RFC4: variants seen among roughly 807,000 people sequenced by gnomAD.
The protein encoded by RFC4 is replication factor C subunit 4, also known as A1 37 kDa subunit.
Under a neutral mutation model 47.6 loss-of-function variants are expected in RFC4, and 38 were observed. The ratio of observed to expected loss-of-function variants is 0.80; its 90% CI spans 0.62 to 1.05. The LOEUF (loss-of-function observed/expected upper bound fraction) is 1.05, where lower values mean the gene tolerates loss of function less well. Among genes scored for constraint, RFC4 ranks in the 50% least tolerant of loss-of-function variants. The pLI is 0.00. For missense variants in RFC4, 489 were observed against 434.0 expected, an observed-to-expected ratio of 1.13 and a Z score of -1.13; for synonymous variants, 164 against 150.0, an observed-to-expected ratio of 1.09 and a Z score of -0.68.
intron 6 of RFC4, 50 bp downstream of exon 6, chr3:186,792,754 G>A (rs970746063): frequency 1.9e-6 from 3 of 1,568,032 alleles, no homozygotes; most frequent in Non-Finnish European, 2.6e-6. Context: ...CCCTAATTGG[G>A]TTATGAAAAT....
chr3:186,791,123 A>G (rs1722118790), intron 8 of RFC4, among the ~76,000 whole-genome samples: 1 of 152,244 alleles, frequency 6.6e-6, no homozygotes, highest in South Asian at 2.1e-4. Flanking sequence ...AACTGGCAAA[A>G]TAGTTTTCAT....
chr3:186,802,564 A>G (rs1722380778), intron 2 of RFC4, among the ~76,000 whole-genome samples: 1 of 152,188 alleles, frequency 6.6e-6, no homozygotes, highest in African/African-American at 2.4e-5. Context: ...CTGAACCAAT[A>G]TGAAGTATCA....
rs1281251678 is a variant in RFC4 at position 186,792,811 on chromosome 3, C to T, written c.547G>A (p.Val183Ile). The change falls in exon 6 of 11, where the codon GTC becomes ATC. Residue 183 changes from valine (V) to isoleucine (I), a missense_variant. By Grantham distance (29) the Val-to-Ile change is conservative (BLOSUM62 3). This residue lies in a region of RFC4 where 206 missense variants were observed against 257.8 expected (regional missense o/e 0.80). Transcript: ENST00000296273. ...TTRFCLICNYVSRIIEPLTSR... is the reference protein window; with the variant it reads ...TTRFCLICNYISRIIEPLTSR... ...TCAGGGCAATATACATACCGACTGA[C>T]ATAGTTACAGATAAGACAGAATCGG... is the stretch of plus-strand genomic sequence containing the variant. 6.2e-7 allele frequency: 1 copy of T among 1,612,654 alleles called. No individual in the cohort carries two copies. Among genetic ancestry groups the T allele is most frequent in the Non-Finnish European group, 8.5e-7 (1 of 1,179,560 alleles).
At chr3:186,792,444 A>T (rs1380545189) in intron 7 of RFC4, 46 bp downstream of exon 7, 2 of 1,556,234 alleles carry the variant, frequency 1.3e-6, no homozygotes, top group Non-Finnish European at 1.8e-6. Context: ...ATATGCATTC[A>T]TCAAAGGAAT....
intron 7 of RFC4, 112 bp downstream of exon 7, chr3:186,792,376 CTG>C: frequency 1.2e-6 from 1 of 846,698 alleles, no homozygotes; most frequent in Non-Finnish European, 1.8e-6. Context: ...TTAAGTTTGT[CTG>C]AAGAACTGGC....
rs1207725938 is a variant in RFC4 at position 186,790,065 on chromosome 3, C to G, written c.997-1G>C. ...CATCTGCTAGGCATTTGTCAACTTCCTACGAGAAAAATTTAAGAAATTAGC... is the reference window on the plus strand; with the variant it reads ...CATCTGCTAGGCATTTGTCAACTTCGTACGAGAAAAATTTAAGAAATTAGC... On this transcript the variant is annotated splice_acceptor_variant, in intron 10 of 10. Coordinates refer to ENST00000296273, the MANE Select transcript of RFC4 (RefSeq NM_002916.5). LOFTEE classifies it high-confidence loss of function. 2 of 1,612,966 alleles carry G rather than the reference C, an allele frequency of 1.2e-6. No homozygotes were observed. The highest frequency in any genetic ancestry group is 1.7e-6 in the Non-Finnish European group (2 of 1,179,212).
chr3:186,798,926 C>T (rs1722297597), intron 3 of RFC4, among the ~76,000 whole-genome samples: 1 of 152,182 alleles, frequency 6.6e-6, no homozygotes, highest in Non-Finnish European at 1.5e-5. Context: ...CTACAGTAGT[C>T]AATGTTGGCC....
intron 8 of RFC4, 127 bp downstream of exon 8, chr3:186,791,595 GGTT>G (rs1722138435): frequency 1.2e-6 from 1 of 822,334 alleles, no homozygotes; most frequent in African/African-American, 1.7e-5. Context: ...GATACTCCCA[GGTT>G]ATTCCCTTAT....
chr3:186,791,670 TAAAAGCCACAA>T lies in RFC4; in HGVS notation c.801+44_801+54del, dbSNP rs766544109. 5.8e-6 allele frequency: 9 copies of T among 1,562,624 alleles called. No homozygotes were observed. In the East Asian group the frequency reaches 1.1e-4, roughly 19 times the overall value. On this transcript the variant is annotated intron_variant, in intron 8 of 10. Transcript: ENST00000296273. ...CAGTATTTGTTGGATGAAAATTTCC[TAAAAGCCACAA>T]AAAAGCCAACTAAAAAGAAATTCAG... is the stretch of plus-strand genomic sequence containing the variant.
rs1722393584 is a variant in RFC4 at position 186,803,043 on chromosome 3, C to T, written c.131+1540G>A. Among the ~76,000 whole-genome samples the T allele has an allele frequency of 2.0e-5, 3 of 152,056 alleles. No individual in the cohort carries two copies. The South Asian group carries it at 6.2e-4, about 32-fold the overall frequency. On this transcript the variant is annotated intron_variant, in intron 2 of 10. Transcript: ENST00000296273. ...AGATTTTCATGAGGTTTATTGGTGC[C>T]AAACAAAACATATAAGGGGCTGGGC...
chr3:186,791,635 G>T, intron 8 of RFC4, 90 bp downstream of exon 8: 1 of 1,151,102 alleles, frequency 8.7e-7, no homozygotes, highest in Non-Finnish European at 1.3e-6. Flanking sequence ...CTTGGCACTT[G>T]CTAAACACCC....
At chr3:186,792,994 G>T in intron 5 of RFC4, 47 bp from the exon 6 acceptor site, 2 of 1,515,510 alleles carry the variant, frequency 1.3e-6, no homozygotes, top group Non-Finnish European at 1.8e-6. Context: ...ATGTATATTG[G>T]TTTTAACAGC....
rs1013113598 is a variant in RFC4, at chr3:186,793,886, C to A, written c.410+772G>T. 1.3e-5 allele frequency among the ~76,000 whole-genome samples: 2 copies of A among 152,104 alleles called. No homozygotes were observed. The highest frequency in any genetic ancestry group is 3.9e-4 in the East Asian group (2 of 5,188). On this transcript the variant is annotated intron_variant, in intron 5 of 10. Coordinates refer to ENST00000296273, the MANE Select transcript of RFC4 (RefSeq NM_002916.5). This position sits in a 1 kb window ranked among gnomAD's most constrained non-coding sequence, Gnocchi z 4.2. ...TACAGGCGCCCGCCACCACACCCAG[C>A]TAATTTTTTGTATTTTTAGTAGAGA...
At chr3:186,804,816 C>G in intron 1 of RFC4, 92 bp from the exon 2 acceptor site, 1 of 1,251,000 alleles carries the variant, frequency 8.0e-7, no homozygotes, top group Non-Finnish European at 1.1e-6. Context: ...GGTGGGGAAC[C>G]ATTATGAGAA....
chr3:186,801,338 T>C (rs1261068564), intron 2 of RFC4, 143 bp from the exon 3 acceptor site: 11 of 649,960 alleles, frequency 1.7e-5, no homozygotes, highest in Admixed American at 8.4e-5. Flanking sequence ...TAATCGGAAA[T>C]AGGTGGAAAC....
intron 4 of RFC4, among the ~76,000 whole-genome samples, 187 bp downstream of exon 4, chr3:186,797,348 C>T (rs544151662): frequency 1.3e-5 from 2 of 152,252 alleles, no homozygotes; most frequent in South Asian, 4.1e-4. Flanking sequence ...TCACAAAAGA[C>T]GCAGGCAAGC....
At chr3:186,795,003 C>A in intron 4 of RFC4, 1 of 506,942 alleles carries the variant, frequency 2.0e-6, no homozygotes, top group Non-Finnish European at 3.4e-6. Flanking sequence ...TATACAATTT[C>A]TTTTCTTTTT....
intron 3 of RFC4, among the ~76,000 whole-genome samples, chr3:186,800,679 G>A (rs1722333253): frequency 6.6e-6 from 1 of 152,060 alleles, no homozygotes; most frequent in Admixed American, 6.6e-5. Flanking sequence ...TGTATTATAG[G>A]TCAATCCAAA....
Position 186,790,323 on chromosome 3 carries a change from T to G in RFC4, c.882+3A>C. On this transcript the variant is annotated splice_donor_region_variant and intron_variant, in intron 9 of 10. Transcript: ENST00000296273. ...TTCCCCAAAGTTAGTAAGCTGACTT[T>G]ACCTTGACCACAGCTTCTAGTTTGT... 1 of 1,613,620 alleles carries G rather than the reference T, an allele frequency of 6.2e-7. No homozygotes were observed. Among genetic ancestry groups the G allele is most frequent in the South Asian group, 1.1e-5 (1 of 91,062 alleles).
Sources: gnomAD v4.1 joint callset for allele counts (sites outside exome capture counted in the v4.1 genomes callset) on GRCh38, gnomAD v4.1.1 for gene constraint, gnomAD v4.1.1 regional missense constraint, Gnocchi (gnomAD v3.1) non-coding constraint, MANE v1.5 for transcripts, NCBI Gene and HGNC (gene_info 2026-07-23, HGNC 2026-07-21) for gene names.